The following CATSPERE variants were observed in gnomAD, a reference collection of about 807,000 sequenced individuals.
CATSPERE encodes the protein cation channel sperm-associated auxiliary subunit epsilon.
CATSPERE carries 93 observed loss-of-function variants against 114.1 expected under a neutral mutation model. The observed-to-expected ratio is 0.81, with a 90% CI of 0.69 to 0.97. CATSPERE has a LOEUF of 0.97. Ranked by LOEUF, CATSPERE falls within the 50% of genes least tolerant of loss-of-function variation. The pLI, the probability that CATSPERE is intolerant of heterozygous loss-of-function variation, is 0.00. For missense variants in CATSPERE, 1,058 were observed against 1,131.6 expected (o/e 0.93, Z 0.93); for synonymous variants, 341 against 384.1 (o/e 0.89, Z 1.31).
At position 244,640,182 on chromosome 1, in the gene CATSPERE, T is replaced by A; in HGVS notation, c.*101T>A. On this transcript the variant is annotated 3_prime_UTR_variant, in exon 22 of 22. Transcript: ENST00000366534. ...GTGTTTGACCAAGAAATACTAAATA[T>A]AAGCTCGTAGTAGGCATCACCAAAT... 1 of 896,358 alleles carries A rather than the reference T, an allele frequency of 1.1e-6. No homozygotes were observed. Among genetic ancestry groups the A allele is most frequent in the Non-Finnish European group, 1.6e-6 (1 of 633,206 alleles). The allele number at this position is 896,358 out of a possible 1,614,324, so 55.5% of individuals were successfully genotyped here.
intron 2 of CATSPERE, among the ~76,000 whole-genome samples, chr1:244,472,737 C>T (rs1232216412): frequency 6.6e-5 from 10 of 152,054 alleles, no homozygotes; most frequent in African/African-American, 4.8e-5. Context: ...AGTATCACAC[C>T]GAATAGTTTC....
intron 1 of CATSPERE, among the ~76,000 whole-genome samples, chr1:244,456,080 C>T (rs937842463): frequency 6.9e-6 from 1 of 144,478 alleles, no homozygotes; most frequent in African/African-American, 2.6e-5. Flanking sequence ...ATGGAAACAC[C>T]CCCCCGCCCC....
chr1:244,584,332 A>G (rs1434663712), intron 13 of CATSPERE, among the ~76,000 whole-genome samples: 2 of 152,118 alleles, frequency 1.3e-5, no homozygotes, highest in Non-Finnish European at 1.5e-5. Flanking sequence ...AATGGTATAC[A>G]CAGTTCTCAA....
chr1:244,586,802 C>G (rs991133013), intron 13 of CATSPERE, among the ~76,000 whole-genome samples: 3 of 152,078 alleles, frequency 2.0e-5, no homozygotes, highest in African/African-American at 4.8e-5. Flanking sequence ...GTTGAGACAG[C>G]CTGCTGGAAG....
In CATSPERE at chr1:244,601,758, G is replaced by T. The variant is rs558053890; in HGVS notation, c.2304-3937G>T. 2.0e-5 allele frequency among the ~76,000 whole-genome samples: 3 copies of T among 152,254 alleles called. No individual in the cohort carries two copies. In the East Asian group the frequency reaches 5.8e-4, roughly 29 times the overall value. On this transcript the variant is annotated intron_variant, in intron 17 of 21. Coordinates refer to ENST00000366534, the MANE Select transcript of CATSPERE (RefSeq NM_001130957.2). ...ACTTGAGGTCAGGAGTTCGAAACCA[G>T]CCTGGCCAACATGGTGAAACCCCGT... is the stretch of plus-strand genomic sequence containing the variant.
intron 20 of CATSPERE, among the ~76,000 whole-genome samples, chr1:244,624,971 G>A (rs1672915124): frequency 6.6e-6 from 1 of 152,032 alleles, no homozygotes; most frequent in Admixed American, 6.6e-5. Flanking sequence ...TTCCCCCACT[G>A]AAGTCTTGAA....
At chr1:244,590,538 A>G (rs900001504) in intron 14 of CATSPERE, among the ~76,000 whole-genome samples, 3 of 152,218 alleles carry the variant, frequency 2.0e-5, no homozygotes, top group Non-Finnish European at 4.4e-5. Flanking sequence ...TAGTTCCACA[A>G]TATTTTTGTC....
Position 244,461,454 on chromosome 1 carries a change from C to T in CATSPERE, c.25C>T (p.Leu9=). The change falls in exon 1 of 22, where the codon CTG becomes TTG. Residue 9 remains leucine (L), a synonymous_variant. Transcript: ENST00000366534. ...CATGTCAGCCCGGGAAGTGGCCGTG[C>T]TGCTGCTGTGGCTGAGCTGCTATGG... is the stretch of plus-strand genomic sequence containing the variant. MSAREVAV[L]LLWLSCYGSA... The T allele has an allele frequency of 7.3e-7, 1 of 1,377,438 alleles. No individual in the cohort carries two copies. Among genetic ancestry groups the T allele is most frequent in the Non-Finnish European group, 9.5e-7 (1 of 1,057,688 alleles). 85.3% of individuals were successfully genotyped at this position (1,377,438 alleles called of 1,614,324 possible).
At chr1:244,615,950 TAAAAAA>T (rs35945015) in intron 19 of CATSPERE, among the ~76,000 whole-genome samples, 2 of 115,824 alleles carry the variant, frequency 1.7e-5, no homozygotes, top group Admixed American at 9.3e-5. Context: ...CCCCATCTCC[TAAAAAA>T]AAAAAAAAAA....
intron 5 of CATSPERE, among the ~76,000 whole-genome samples, chr1:244,482,467 T>A (rs1301635121): frequency 6.6e-6 from 1 of 152,084 alleles, no homozygotes; most frequent in Non-Finnish European, 1.5e-5. Flanking sequence ...TCAGGCATGA[T>A]GACTTGCATC....
At chr1:244,466,454 T>C (rs1558308011) in intron 2 of CATSPERE, among the ~76,000 whole-genome samples, 2 of 152,156 alleles carry the variant, frequency 1.3e-5, no homozygotes, top group Non-Finnish European at 2.9e-5. Flanking sequence ...CCAGATGCCC[T>C]CTAAGGCAGG....
intron 15 of CATSPERE, among the ~76,000 whole-genome samples, chr1:244,592,143 G>GT (rs1667805812): frequency 6.6e-6 from 1 of 152,140 alleles, no homozygotes; most frequent in South Asian, 2.1e-4. Context: ...GAGGTCAAGA[G>GT]TTCAAGACCA....
At chr1:244,605,036 C>A (rs1289520094) in intron 17 of CATSPERE, among the ~76,000 whole-genome samples, 1 of 152,134 alleles carries the variant, frequency 6.6e-6, no homozygotes, top group Non-Finnish European at 1.5e-5. Context: ...ATCCAGGGAG[C>A]GTACAGGCTA....
In CATSPERE at chr1:244,633,251, T is replaced by C. The variant is rs889147497; in HGVS notation, c.2649-2238T>C. ...AGTAAGGATACAGAATACCTAACTG[T>C]GCTATCAACCAATTCAATCCATTTG... On this transcript the variant is annotated intron_variant, in intron 20 of 21. Transcript: ENST00000366534. The surrounding 1 kb of genome is among the most constrained non-coding windows in gnomAD (Gnocchi z 4.1). Among the ~76,000 whole-genome samples, 1 of 152,324 alleles carries C rather than the reference T, an allele frequency of 6.6e-6. No homozygotes were observed. Among genetic ancestry groups the C allele is most frequent in the Admixed American group, 6.5e-5 (1 of 15,302 alleles).
chr1:244,625,191 G>C (rs1242300552), intron 20 of CATSPERE, among the ~76,000 whole-genome samples: 2 of 151,210 alleles, frequency 1.3e-5, no homozygotes, highest in African/African-American at 4.9e-5. Flanking sequence ...TTCTTAAATA[G>C]TAAGACTTGG....
chr1:244,554,237 G>T (rs1661237733), intron 9 of CATSPERE, among the ~76,000 whole-genome samples: 2 of 152,194 alleles, frequency 1.3e-5, no homozygotes, highest in Admixed American at 6.5e-5. Flanking sequence ...TATATATTTA[G>T]TTTTTTGAGA....
chr1:244,471,979 A>G (rs1022038129), intron 2 of CATSPERE, among the ~76,000 whole-genome samples: 1 of 152,246 alleles, frequency 6.6e-6, no homozygotes, highest in South Asian at 2.1e-4. Context: ...TTCTTTTCTG[A>G]GACAGACTCT....
rs751931065 is a variant in CATSPERE at position 244,572,401 on chromosome 1, G to T, written c.1579G>T (p.Ala527Ser). 7.7e-6 allele frequency: 12 copies of T among 1,560,364 alleles called. No homozygotes were observed. The highest frequency in any genetic ancestry group is 1.7e-4 in the Middle Eastern group (1 of 5,964). The change falls in exon 11 of 22, where the codon GCA becomes TCA. Residue 527 changes from alanine to serine, a missense_variant. Ala to Ser is a moderately conservative substitution (Grantham distance 99). Around this residue, in one of 2 missense-constraint regions of CATSPERE, gnomAD observed 787 missense variants for 905.6 expected, o/e 0.87. Coordinates refer to ENST00000366534, the MANE Select transcript of CATSPERE (RefSeq NM_001130957.2). ...TTATTCCAAGATTAATACTAGAGAT[G>T]CAGTAAAGCTGCATTTATGGACAAA... Reference protein sequence around the residue: ...IFYSKINTRDAVKLHLWTNYT... With the variant: ...IFYSKINTRDSVKLHLWTNYT...
chr1:244,630,407 TTAG>T (rs1349152333), intron 20 of CATSPERE, among the ~76,000 whole-genome samples: 2 of 152,152 alleles, frequency 1.3e-5, no homozygotes, highest in Non-Finnish European at 2.9e-5. Context: ...GATTTACATG[TTAG>T]TGGTGTGGGG....
Sources: allele counts gnomAD v4.1 joint callset (sites outside exome capture counted in the v4.1 genomes callset), GRCh38; gene constraint gnomAD v4.1.1; regional missense constraint gnomAD v4.1.1; non-coding constraint Gnocchi (gnomAD v3.1); transcripts MANE v1.5; gene names NCBI Gene and HGNC (gene_info 2026-07-23, HGNC 2026-07-21).